CSMD1: variants seen among roughly 807,000 people sequenced by gnomAD.
The protein encoded by CSMD1 is CUB and sushi domain-containing protein 1.
Under a neutral mutation model 417.5 loss-of-function variants are expected in CSMD1, and 213 were observed. That is an observed-to-expected ratio of 0.51 (90% CI 0.46 to 0.57). CSMD1 has a LOEUF of 0.57. Ranked by LOEUF, CSMD1 falls within the 20% of genes least tolerant of loss-of-function variation. The pLI is 0.00. For missense variants in CSMD1, 6,923 were observed against 4,529.7 expected (o/e 1.53, Z -15.17); for synonymous variants, 2,862 against 1,736.8 (o/e 1.65, Z -16.11).
At chr8:3,853,297 G>A (rs563592858) in intron 5 of CSMD1, among the ~76,000 whole-genome samples, 2 of 152,252 alleles carry the variant, frequency 1.3e-5, no homozygotes, top group Admixed American at 1.3e-4. Flanking sequence ...TTCATACCCT[G>A]ATCAATTTTT....
intron 2 of CSMD1, among the ~76,000 whole-genome samples, chr8:4,425,046 T>C (rs1325788429): frequency 6.6e-6 from 1 of 152,084 alleles, no homozygotes; most frequent in African/African-American, 2.4e-5. Context: ...CAAAAACTAT[T>C]GAGGATAATT....
intron 7 of CSMD1, among the ~76,000 whole-genome samples, chr8:3,681,411 C>T (rs995051075): frequency 6.6e-6 from 1 of 151,970 alleles, no homozygotes; most frequent in Admixed American, 6.6e-5. Flanking sequence ...AAACAGAGAG[C>T]CAAATCATGA....
intron 5 of CSMD1, among the ~76,000 whole-genome samples, chr8:3,933,281 C>G (rs2129673496): frequency 6.6e-6 from 1 of 152,220 alleles, no homozygotes; most frequent in African/African-American, 2.4e-5. Context: ...AAATATTTTG[C>G]TTTATTCACT....
At chr8:4,604,418 C>T (rs998113591) in intron 2 of CSMD1, among the ~76,000 whole-genome samples, 6 of 127,816 alleles carry the variant, frequency 4.7e-5, no homozygotes, top group African/African-American at 2.3e-4. Flanking sequence ...TGTGCGCGTG[C>T]GTAAAGACTA....
chr8:4,553,185 C>A (rs1195604050), intron 2 of CSMD1, among the ~76,000 whole-genome samples: 1 of 152,204 alleles, frequency 6.6e-6, no homozygotes, highest in African/African-American at 2.4e-5. Flanking sequence ...GCCTCCCTTT[C>A]CCATGTTTCA....
chr8:3,578,452 G>C (rs548354747), intron 9 of CSMD1, among the ~76,000 whole-genome samples: 1 of 152,270 alleles, frequency 6.6e-6, no homozygotes, highest in Non-Finnish European at 1.5e-5. Context: ...TCTCGGCAGT[G>C]CACGCAGGCC....
At chr8:4,300,503 T>C (rs995546247) in intron 3 of CSMD1, among the ~76,000 whole-genome samples, 3 of 152,238 alleles carry the variant, frequency 2.0e-5, no homozygotes, top group Admixed American at 2.0e-4. Context: ...CGTTATTAAC[T>C]GAAGGAAATG....
At chr8:4,206,884 G>C (rs893635302) in intron 3 of CSMD1, among the ~76,000 whole-genome samples, 1 of 152,054 alleles carries the variant, frequency 6.6e-6, no homozygotes, top group Non-Finnish European at 1.5e-5. Context: ...TTTTTCCATA[G>C]TTCAGAAACT....
chr8:4,320,008 A>C (rs1799177313), intron 3 of CSMD1, among the ~76,000 whole-genome samples: 1 of 152,214 alleles, frequency 6.6e-6, no homozygotes, highest in Admixed American at 6.5e-5. Context: ...TATTGGGTTA[A>C]GTACTCAAAG....
intron 26 of CSMD1, among the ~76,000 whole-genome samples, chr8:3,271,119 C>G (rs1050668340): frequency 7.1e-6 from 1 of 141,830 alleles, no homozygotes; most frequent in African/African-American, 2.6e-5. Flanking sequence ...TGATGTTCCC[C>G]TTCCTGTGTT....
At chr8:4,900,121 C>A (rs1410301910) in intron 1 of CSMD1, among the ~76,000 whole-genome samples, 2 of 152,094 alleles carry the variant, frequency 1.3e-5, no homozygotes, top group African/African-American at 2.4e-5. Context: ...CCATGCCTGG[C>A]TTTTGTGTCT....
intron 3 of CSMD1, among the ~76,000 whole-genome samples, chr8:4,058,307 G>A (rs113114622): frequency 3.9e-5 from 6 of 152,068 alleles, no homozygotes; most frequent in African/African-American, 9.7e-5. Flanking sequence ...CTGTGAATGG[G>A]AGTTCACTCA....
At chr8:3,259,637 A>G (rs1028797060) in intron 26 of CSMD1, among the ~76,000 whole-genome samples, 13 of 152,290 alleles carry the variant, frequency 8.5e-5, no homozygotes, top group East Asian at 5.8e-4. Context: ...CGAGATTTTA[A>G]TATGTATACA....
chr8:4,886,428 A>G (rs1051034867), intron 1 of CSMD1, among the ~76,000 whole-genome samples: 3 of 152,124 alleles, frequency 2.0e-5, no homozygotes, highest in African/African-American at 4.8e-5. Context: ...GGAAATTTGC[A>G]TCTATATTCA....
chr8:3,637,704 C>G (rs6987792), intron 7 of CSMD1, among the ~76,000 whole-genome samples: 71,816 of 151,964 alleles, frequency 0.47, 17,104 homozygotes, highest in Middle Eastern at 0.64. Context: ...CTCTGGCATA[C>G]AGGTGTTAAG....
intron 2 of CSMD1, among the ~76,000 whole-genome samples, chr8:4,456,500 G>C (rs575179094): frequency 3.3e-5 from 5 of 152,130 alleles, no homozygotes; most frequent in Admixed American, 6.5e-5. Flanking sequence ...GAAAATTGTA[G>C]GTTCTAAGTA....
At chr8:3,966,222 G>A (rs73658510) in intron 5 of CSMD1, among the ~76,000 whole-genome samples, 2,582 of 152,156 alleles carry the variant, frequency 0.017, 81 homozygotes, top group African/African-American at 0.059. Context: ...CCAGCTTATT[G>A]GCTAAATGAT....
chr8:4,306,110 T>C (rs904913105), intron 3 of CSMD1, among the ~76,000 whole-genome samples: 3 of 152,206 alleles, frequency 2.0e-5, no homozygotes, highest in Non-Finnish European at 4.4e-5. Context: ...TTTTGCTTTT[T>C]AAATAGTTGG....
rs115937348 is a variant in CSMD1, at chr8:4,398,345, A to G, written c.415+21608T>C. 5.8e-3 allele frequency among the ~76,000 whole-genome samples: 877 copies of G among 150,712 alleles called. 13 individuals carry two copies. Among genetic ancestry groups the G allele is most frequent in the African/African-American group, 0.021 (846 of 41,134 alleles). ...TATTCGTTAGGACTGATAGCTTTAA[A>G]AGTTTTTAATTATCCTCTTTTTAAA... On this transcript the variant is annotated intron_variant, in intron 3 of 69. Coordinates refer to ENST00000635120, the MANE Select transcript of CSMD1 (RefSeq NM_033225.6).
Sources: allele counts gnomAD v4.1 joint callset (sites outside exome capture counted in the v4.1 genomes callset), GRCh38; gene constraint gnomAD v4.1.1; transcripts MANE v1.5; gene names NCBI Gene and HGNC (gene_info 2026-07-23, HGNC 2026-07-21).